The following SLC24A3 variants were observed in gnomAD, a reference collection of about 807,000 sequenced individuals.
The protein encoded by SLC24A3 is solute carrier family 24 member 3.
Under a neutral mutation model 75.8 loss-of-function variants are expected in SLC24A3, and 28 were observed. The observed-to-expected ratio is 0.37, with a 90% CI of 0.27 to 0.51. The LOEUF (loss-of-function observed/expected upper bound fraction) is 0.51, where lower values mean the gene tolerates loss of function less well. SLC24A3 is among the 20% of genes least tolerant of loss of function. SLC24A3 has a pLI of 0.94. For synonymous variants in SLC24A3, 372 were observed against 334.1 expected, an observed-to-expected ratio of 1.11 and a Z score of -1.24; for missense variants, 663 against 847.8, an observed-to-expected ratio of 0.78 and a Z score of 2.71.
At chr20:19,388,991 CTCTT>C (rs1272151502) in intron 2 of SLC24A3, among the ~76,000 whole-genome samples, 2 of 151,758 alleles carry the variant, frequency 1.3e-5, no homozygotes, top group African/African-American at 2.4e-5. Flanking sequence ...TGATTCTTTT[CTCTT>C]TATCTTTTGT....
intron 2 of SLC24A3, among the ~76,000 whole-genome samples, chr20:19,413,636 A>C (rs1434819723): frequency 6.6e-6 from 1 of 152,168 alleles, no homozygotes; most frequent in African/African-American, 2.4e-5. Flanking sequence ...CCTTTGCAGC[A>C]GACTGATGAT....
At chr20:19,233,140 GA>G in intron 1 of SLC24A3, among the ~76,000 whole-genome samples, 1 of 152,318 alleles carries the variant, frequency 6.6e-6, no homozygotes, top group Admixed American at 6.5e-5. Context: ...AAGCAAGAAG[GA>G]AAAACAAAAT....
intron 2 of SLC24A3, among the ~76,000 whole-genome samples, chr20:19,504,726 C>G (rs1988438086): frequency 6.6e-6 from 1 of 152,234 alleles, no homozygotes; most frequent in Non-Finnish European, 1.5e-5. Flanking sequence ...CCAAGGGACA[C>G]TTTGAGAAAC....
At chr20:19,346,819 T>G (rs1985439225) in intron 2 of SLC24A3, among the ~76,000 whole-genome samples, 1 of 151,878 alleles carries the variant, frequency 6.6e-6, no homozygotes, top group South Asian at 2.1e-4. Context: ...AAACACCACC[T>G]GATCCCCAAA....
intron 3 of SLC24A3, among the ~76,000 whole-genome samples, chr20:19,573,651 G>A (rs1367962207): frequency 2.6e-5 from 4 of 152,218 alleles, no homozygotes; most frequent in Admixed American, 2.0e-4. Context: ...CAGCATGTTG[G>A]TGTGTATCCT....
chr20:19,387,543 TA>T (rs1986291994), intron 2 of SLC24A3, among the ~76,000 whole-genome samples: 1 of 152,246 alleles, frequency 6.6e-6, no homozygotes, highest in Non-Finnish European at 1.5e-5. Context: ...TGTCTCAAGA[TA>T]TTTTTTAATT....
chr20:19,663,588 G>A (rs1026944008), intron 7 of SLC24A3, among the ~76,000 whole-genome samples: 1 of 149,804 alleles, frequency 6.7e-6, no homozygotes. Flanking sequence ...GCATGTTTCC[G>A]GATCTCCTCC....
intron 1 of SLC24A3, among the ~76,000 whole-genome samples, chr20:19,232,833 T>G (rs1421052802): frequency 6.6e-6 from 1 of 152,256 alleles, no homozygotes; most frequent in African/African-American, 2.4e-5. Context: ...CAGCTTGTGC[T>G]TCTTCTATGG....
chr20:19,286,541 A>G (rs960794608), intron 2 of SLC24A3, among the ~76,000 whole-genome samples: 3 of 152,200 alleles, frequency 2.0e-5, no homozygotes, highest in South Asian at 2.1e-4. Flanking sequence ...TTTACATGAA[A>G]AAAACAAGAA....
chr20:19,648,198 A>T (rs1331280872), intron 6 of SLC24A3, among the ~76,000 whole-genome samples: 2 of 152,202 alleles, frequency 1.3e-5, no homozygotes, highest in Non-Finnish European at 2.9e-5. Context: ...TCTGAACTTC[A>T]GCACCACTTG....
At chr20:19,261,274 T>C (rs1355265962) in intron 1 of SLC24A3, among the ~76,000 whole-genome samples, 1 of 152,138 alleles carries the variant, frequency 6.6e-6, no homozygotes, top group Non-Finnish European at 1.5e-5. Context: ...TGTGAGGTAA[T>C]GGACAATGGA....
chr20:19,591,723 A>G (rs1267282801), intron 6 of SLC24A3, among the ~76,000 whole-genome samples: 1 of 152,204 alleles, frequency 6.6e-6, no homozygotes, highest in East Asian at 1.9e-4. Flanking sequence ...GTTTAGGTTA[A>G]TCAAGAACCA....
chr20:19,655,446 A>T (rs1426736570), intron 7 of SLC24A3, among the ~76,000 whole-genome samples: 1 of 152,040 alleles, frequency 6.6e-6, no homozygotes, highest in Non-Finnish European at 1.5e-5. Flanking sequence ...GAGTCGGGAG[A>T]TCTGACTCCT....
intron 9 of SLC24A3, among the ~76,000 whole-genome samples, chr20:19,676,233 G>T (rs73900716): frequency 2.0e-5 from 3 of 152,122 alleles, no homozygotes; most frequent in Admixed American, 2.0e-4. Flanking sequence ...CCCATGAGTC[G>T]CTGGCAGGAC....
intron 7 of SLC24A3, among the ~76,000 whole-genome samples, chr20:19,659,015 G>A (rs1244755184): frequency 2.6e-5 from 4 of 152,204 alleles, no homozygotes; most frequent in Admixed American, 2.6e-4. Flanking sequence ...CAGTCTAGCA[G>A]CTGCTCTAAA....
chr20:19,461,779 C>T (rs778898791), intron 2 of SLC24A3, among the ~76,000 whole-genome samples: 5 of 152,086 alleles, frequency 3.3e-5, no homozygotes, highest in South Asian at 2.1e-4. Context: ...GCCATCTGCC[C>T]GCCTCTGCCT....
chr20:19,684,754 A>G (rs920921903), intron 11 of SLC24A3, among the ~76,000 whole-genome samples: 21 of 152,270 alleles, frequency 1.4e-4, no homozygotes, highest in African/African-American at 4.8e-4. Flanking sequence ...CACTAGACCA[A>G]ACACAGTTGT....
intron 1 of SLC24A3, among the ~76,000 whole-genome samples, chr20:19,221,568 C>T (rs1192846826): frequency 6.6e-6 from 1 of 152,144 alleles, no homozygotes; most frequent in African/African-American, 2.4e-5. Context: ...AAAATATATT[C>T]CTTCTACCTC....
At chr20:19,247,312 C>G (rs1284626060) in intron 1 of SLC24A3, among the ~76,000 whole-genome samples, 1 of 152,118 alleles carries the variant, frequency 6.6e-6, no homozygotes, top group Non-Finnish European at 1.5e-5. Flanking sequence ...TCCTACCTAC[C>G]CTCGCGAAAG....
Sources: gnomAD v4.1 joint callset for allele counts (sites outside exome capture counted in the v4.1 genomes callset) on GRCh38, gnomAD v4.1.1 for gene constraint, MANE v1.5 for transcripts, NCBI Gene and HGNC (gene_info 2026-07-23, HGNC 2026-07-21) for gene names.